The following GLIS3 variants were observed in gnomAD, a reference collection of about 807,000 sequenced individuals.
The protein encoded by GLIS3 is zinc finger protein GLIS3.
A neutral mutation model predicts 78.6 loss-of-function variants in GLIS3; 53 were observed. The ratio of observed to expected loss-of-function variants is 0.67; its 90% CI spans 0.54 to 0.85. GLIS3 has a LOEUF of 0.85. Among genes scored for constraint, GLIS3 ranks in the 40% least tolerant of loss-of-function variants. The probability of loss-of-function intolerance (pLI) is 0.00; values close to 1 mark genes in which losing one functional copy is unlikely to be tolerated. For synonymous variants in GLIS3, 684 were observed against 509.9 expected, an observed-to-expected ratio of 1.34 and a Z score of -4.60; for missense variants, 1,703 against 1,231.1, an observed-to-expected ratio of 1.38 and a Z score of -5.74.
At chr9:4,481,748 T>C in the GLIS3 span, among the ~76,000 whole-genome samples, 1 of 152,146 alleles carries the variant, frequency 6.6e-6, no homozygotes, top group Non-Finnish European at 1.5e-5. Flanking sequence ...CTTTGGGTAT[T>C]TTTTTCGTTA....
chr9:4,005,278 C>T (rs1444826342), intron 4 of GLIS3, among the ~76,000 whole-genome samples: 1 of 152,258 alleles, frequency 6.6e-6, no homozygotes, highest in Non-Finnish European at 1.5e-5. Flanking sequence ...AACAATCCCA[C>T]TGTTATAAAC....
intron 2 of GLIS3, among the ~76,000 whole-genome samples, chr9:4,312,917 C>T (rs72690090): frequency 0.012 from 1,885 of 152,320 alleles, 17 homozygotes; most frequent in Non-Finnish European, 0.021. Flanking sequence ...AGTAACACTA[C>T]GAGGTTGGTA....
At chr9:4,123,089 A>T (rs929582439) in intron 3 of GLIS3, among the ~76,000 whole-genome samples, 1 of 152,206 alleles carries the variant, frequency 6.6e-6, no homozygotes, top group Non-Finnish European at 1.5e-5. Context: ...CCCAAAAAAC[A>T]TACCCAAAGG....
chr9:4,431,261 C>A, the GLIS3 span, among the ~76,000 whole-genome samples: 5 of 152,280 alleles, frequency 3.3e-5, no homozygotes, highest in South Asian at 8.3e-4. Context: ...TTCACATATT[C>A]GTGAATCATG....
At chr9:4,468,728 A>C in the GLIS3 span, among the ~76,000 whole-genome samples, 1 of 152,192 alleles carries the variant, frequency 6.6e-6, no homozygotes, top group Non-Finnish European at 1.5e-5. Context: ...ACTGCATCAA[A>C]TAATGAGCAA....
At chr9:3,845,963 CA>C (rs1394930940) in intron 9 of GLIS3, among the ~76,000 whole-genome samples, 2 of 152,196 alleles carry the variant, frequency 1.3e-5, no homozygotes, top group Non-Finnish European at 2.9e-5. Flanking sequence ...TTAGATTCCC[CA>C]CCTGTAAAAT....
At chr9:4,043,465 G>T (rs796900341) in intron 4 of GLIS3, among the ~76,000 whole-genome samples, 17 of 152,144 alleles carry the variant, frequency 1.1e-4, no homozygotes, top group African/African-American at 4.1e-4. Context: ...GGCTGGTTTG[G>T]GGTGACTGGC....
chr9:4,269,981 T>C (rs943189684), intron 2 of GLIS3, among the ~76,000 whole-genome samples: 3 of 152,146 alleles, frequency 2.0e-5, no homozygotes, highest in Non-Finnish European at 4.4e-5. Flanking sequence ...CCCACAGGTG[T>C]TTGTAATGGT....
At chr9:3,878,814 G>A (rs1308325181) in intron 8 of GLIS3, 1 of 157,554 alleles carries the variant, frequency 6.3e-6, no homozygotes, top group African/African-American at 2.4e-5. Flanking sequence ...AGGGGAAGGA[G>A]ATGGAGAAGC....
intron 4 of GLIS3, among the ~76,000 whole-genome samples, chr9:3,941,288 C>A (rs747993105): frequency 1.4e-4 from 21 of 152,040 alleles, no homozygotes; most frequent in Non-Finnish European, 2.2e-4. Context: ...CACAGCAGGG[C>A]AAAAAGGACA....
chr9:4,193,380 T>A (rs1818505752), intron 2 of GLIS3, among the ~76,000 whole-genome samples: 2 of 152,204 alleles, frequency 1.3e-5, no homozygotes, highest in Non-Finnish European at 2.9e-5. Flanking sequence ...AAGGCAGAGT[T>A]GGGTAGTTAC....
intron 7 of GLIS3, among the ~76,000 whole-genome samples, chr9:3,889,190 C>T (rs1361054390): frequency 6.6e-6 from 1 of 152,184 alleles, no homozygotes; most frequent in African/African-American, 2.4e-5. Flanking sequence ...AATGGAGCCC[C>T]ACCTGTCCTG....
At chr9:4,147,450 T>C (rs1327495632) in intron 2 of GLIS3, 1 of 152,154 alleles carries the variant, frequency 6.6e-6, no homozygotes, top group Non-Finnish European at 1.5e-5. Flanking sequence ...TGTCTGCTTG[T>C]GTACCTGTGT....
rs140101069 is a variant in GLIS3, at chr9:3,828,342, G to A, written c.2723C>T (p.Ala908Val). 164 of 1,614,028 alleles carry A rather than the reference G, an allele frequency of 1.0e-4. No homozygotes were observed. The East Asian group carries it at 3.3e-3, about 32-fold the overall frequency. The stretch of plus-strand genomic sequence containing the variant: ...CACGGTGCTGATCTGCAAGAAGGTA[G>A]CATCTTCAGCCCCGCTGCGGAGAGA... The part of the protein sequence containing the change: ...GESLRSGAED[A>V]TFLQISTVDR... Residue 908 changes from alanine to valine, a missense_variant, in exon 11 of 11, where the codon GCT becomes GTT. Coordinates refer to ENST00000381971, the MANE Select transcript of GLIS3 (RefSeq NM_001042413.2).
At chr9:4,361,522 G>T in the GLIS3 span, among the ~76,000 whole-genome samples, 1 of 152,188 alleles carries the variant, frequency 6.6e-6, no homozygotes, top group South Asian at 2.1e-4. Context: ...TGTTCTGCAT[G>T]CAAGGAGATT....
At chr9:4,285,744 T>C (rs1827932800) in intron 2 of GLIS3, 4 of 421,684 alleles carry the variant, frequency 9.5e-6, no homozygotes, top group African/African-American at 2.0e-5. Flanking sequence ...ACCTAGCTCT[T>C]ACCCTTCCAC....
At chr9:3,838,439 G>C (rs1818498402) in intron 9 of GLIS3, among the ~76,000 whole-genome samples, 1 of 152,068 alleles carries the variant, frequency 6.6e-6, no homozygotes, top group Admixed American at 6.6e-5. Context: ...ACTTAGCCTT[G>C]GAGTGCAAAG....
intron 2 of GLIS3, among the ~76,000 whole-genome samples, chr9:4,285,141 AAACATTT>A (rs1476980927): frequency 6.6e-6 from 1 of 152,212 alleles, no homozygotes; most frequent in Non-Finnish European, 1.5e-5. Context: ...TTTTTAACAT[AAACATTT>A]AAGACGGAAT....
At chr9:4,193,665 T>C (rs781715199) in intron 2 of GLIS3, among the ~76,000 whole-genome samples, 2 of 152,294 alleles carry the variant, frequency 1.3e-5, no homozygotes, top group Non-Finnish European at 2.9e-5. Context: ...AGTTGCTGTT[T>C]TGAATAACTA....
Sources: allele counts gnomAD v4.1 joint callset (sites outside exome capture counted in the v4.1 genomes callset), GRCh38; gene constraint gnomAD v4.1.1; transcripts MANE v1.5; gene names NCBI Gene and HGNC (gene_info 2026-07-23, HGNC 2026-07-21).